PDE11A: variants seen among roughly 807,000 people sequenced by gnomAD.
PDE11A encodes the protein dual 3',5'-cyclic-AMP and -GMP phosphodiesterase 11A.
In PDE11A, 100 loss-of-function variants were observed where a neutral mutation model predicts 100.5. That is an observed-to-expected ratio of 1.00 (90% CI 0.85 to 1.18). The LOEUF is 1.18. PDE11A is among the 50% of genes most tolerant of loss of function. The pLI, the probability that PDE11A is intolerant of heterozygous loss-of-function variation, is 0.00. For synonymous variants in PDE11A, 381 were observed against 420.8 expected, an observed-to-expected ratio of 0.91 and a Z score of 1.16; for missense variants, 1,141 against 1,152.6, an observed-to-expected ratio of 0.99 and a Z score of 0.15.
chr2:178,041,217 G>A (rs1385142914), intron 1 of PDE11A, among the ~76,000 whole-genome samples: 1 of 151,748 alleles, frequency 6.6e-6, no homozygotes. Flanking sequence ...TGGGATTACA[G>A]GTGTGAGCCT....
chr2:177,921,532 T>C (rs2085046929), intron 2 of PDE11A, among the ~76,000 whole-genome samples: 1 of 151,834 alleles, frequency 6.6e-6, no homozygotes. Context: ...TTGAGTATGC[T>C]CCTGATAGGA....
At position 177,736,453 on chromosome 2, in the gene PDE11A, G is replaced by A. The variant is rs150793120; in HGVS notation, c.1789-8281C>T. Among the ~76,000 whole-genome samples the A allele has an allele frequency of 2.6e-5, 4 of 152,064 alleles. No homozygotes were observed. In the East Asian group the frequency reaches 7.7e-4, roughly 29 times the overall value. ...GCAGGAGAATTGCTTAAACCCAGGAGGTGGAGGTTGCAGCGAGCACTGCAC... is the reference window on the plus strand; with the variant it reads ...GCAGGAGAATTGCTTAAACCCAGGAAGTGGAGGTTGCAGCGAGCACTGCAC... On this transcript the variant is annotated intron_variant, in intron 10 of 19. Transcript: ENST00000286063.
chr2:178,077,123 C>A (rs10209616), upstream of PDE11A, among the ~76,000 whole-genome samples: 6 of 152,114 alleles, frequency 3.9e-5, no homozygotes, highest in African/African-American at 7.2e-5. Flanking sequence ...AATTATATAG[C>A]CAAGCACATC....
At chr2:177,730,970 C>A (rs539131728) in intron 10 of PDE11A, among the ~76,000 whole-genome samples, 43 of 152,272 alleles carry the variant, frequency 2.8e-4, no homozygotes, top group African/African-American at 8.9e-4. Context: ...CTACTGACAA[C>A]CACCATTCTA....
intron 2 of PDE11A, among the ~76,000 whole-genome samples, chr2:178,007,840 G>A (rs1400746356): frequency 6.6e-6 from 1 of 152,036 alleles, no homozygotes; most frequent in Non-Finnish European, 1.5e-5. Flanking sequence ...AAGTAGCTGG[G>A]ATTACAGACA....
rs551948311 is a variant in PDE11A, at chr2:177,814,480, G to A, written c.1737+2349C>T. 3.6e-4 allele frequency among the ~76,000 whole-genome samples: 55 copies of A among 152,168 alleles called. No homozygotes were observed. In the South Asian group the frequency reaches 9.1e-3, roughly 25 times the overall value. On this transcript the variant is annotated intron_variant, in intron 9 of 19. Coordinates refer to ENST00000286063, the MANE Select transcript of PDE11A (RefSeq NM_016953.4). ...CCTGATCACTAGTGTCAAGAATTTC[G>A]TACTCAGTGGGGTGGGAGTTGGCTG...
At chr2:178,023,687 A>T (rs1482736738) in intron 1 of PDE11A, among the ~76,000 whole-genome samples, 1 of 152,226 alleles carries the variant, frequency 6.6e-6, no homozygotes, top group African/African-American at 2.4e-5. Context: ...ACATGATGTA[A>T]TTATGTTTCC....
At chr2:177,658,734 T>TTTA (rs1553535019) in intron 19 of PDE11A, among the ~76,000 whole-genome samples, 5 of 150,134 alleles carry the variant, frequency 3.3e-5, no homozygotes, top group African/African-American at 1.2e-4. Flanking sequence ...TTTTTTTTTT[T>TTTA]AATATCTGAT....
At chr2:177,710,352 T>C (rs2105423344) in intron 13 of PDE11A, among the ~76,000 whole-genome samples, 1 of 151,382 alleles carries the variant, frequency 6.6e-6, no homozygotes, top group East Asian at 1.9e-4. Context: ...GGTGATCTGC[T>C]GAGTGGTGCG....
intron 1 of PDE11A, among the ~76,000 whole-genome samples, chr2:178,067,239 G>C (rs528249863): frequency 3.3e-5 from 5 of 151,922 alleles, no homozygotes; most frequent in Non-Finnish European, 5.9e-5. Flanking sequence ...GCCTCTCCTT[G>C]TTCAATCCAT....
intron 6 of PDE11A, among the ~76,000 whole-genome samples, chr2:177,827,409 G>T (rs904985625): frequency 6.6e-5 from 10 of 152,176 alleles, no homozygotes; most frequent in African/African-American, 2.4e-4. Flanking sequence ...CCATGCATAA[G>T]GCCTGCCCTA....
intron 2 of PDE11A, among the ~76,000 whole-genome samples, chr2:178,097,874 A>AATAG (rs1278239660): frequency 6.6e-6 from 1 of 152,212 alleles, no homozygotes; most frequent in African/African-American, 2.4e-5. Flanking sequence ...AAACAAATGA[A>AATAG]ATAGAGTAAA....
chr2:177,631,512 AATATAT>A (rs1180694998), intron 19 of PDE11A, among the ~76,000 whole-genome samples: 115 of 10,776 alleles, frequency 0.011, 3 homozygotes, highest in African/African-American at 0.02. Flanking sequence ...AAAAAAAAAA[AATATAT>A]ATATATATAT....
At chr2:177,833,598 C>T (rs965791850) in intron 6 of PDE11A, among the ~76,000 whole-genome samples, 1 of 152,152 alleles carries the variant, frequency 6.6e-6, no homozygotes, top group Non-Finnish European at 1.5e-5. Flanking sequence ...TCCATTTCCT[C>T]CCCTGTAAGC....
chr2:177,731,127 A>G (rs575000246), intron 10 of PDE11A, among the ~76,000 whole-genome samples: 74 of 152,252 alleles, frequency 4.9e-4, no homozygotes, highest in African/African-American at 1.8e-3. Flanking sequence ...TCTTTTTTTT[A>G]AGCTGAATAA....
intron 9 of PDE11A, among the ~76,000 whole-genome samples, chr2:177,795,865 C>T (rs1197077724): frequency 6.8e-6 from 1 of 146,648 alleles, no homozygotes; most frequent in African/African-American, 2.5e-5. Flanking sequence ...TAGGGAGGGC[C>T]ACGTGAAGCA....
chr2:177,629,091 A>G lies in PDE11A; in HGVS notation c.*316T>C. The G allele has an allele frequency of 2.4e-6, 1 of 415,546 alleles. No individual in the cohort carries two copies. Among genetic ancestry groups the G allele is most frequent in the Non-Finnish European group, 4.5e-6 (1 of 221,468 alleles). 25.7% of individuals were successfully genotyped at this position (415,546 alleles called of 1,614,324 possible). A position where few individuals can be genotyped will look rare whatever the true frequency, so the allele number is the denominator to read the frequency against. On this transcript the variant is annotated 3_prime_UTR_variant, in exon 20 of 20. Coordinates refer to ENST00000286063, the MANE Select transcript of PDE11A (RefSeq NM_016953.4). ...ACTGTTCAGTGTTCCCTCAGCTCAG[A>G]GTAAGTAGGCCGACTGTCCACAGGT...
intron 16 of PDE11A, among the ~76,000 whole-genome samples, chr2:177,679,168 T>G (rs2080824395): frequency 6.7e-6 from 1 of 150,180 alleles, no homozygotes; most frequent in Non-Finnish European, 1.5e-5. Flanking sequence ...CTTTTAATAC[T>G]TGGAAGGTGA....
At chr2:177,844,152 A>C (rs1291625343) in intron 5 of PDE11A, among the ~76,000 whole-genome samples, 2 of 152,210 alleles carry the variant, frequency 1.3e-5, no homozygotes, top group Non-Finnish European at 2.9e-5. Context: ...AGAGCAAAAT[A>C]CCATAAGTTG....
Sources: gnomAD v4.1 joint callset for allele counts (sites outside exome capture counted in the v4.1 genomes callset) on GRCh38, gnomAD v4.1.1 for gene constraint, MANE v1.5 for transcripts, NCBI Gene and HGNC (gene_info 2026-07-23, HGNC 2026-07-21) for gene names.